SLC20A2: variants seen among roughly 807,000 people sequenced by gnomAD.
SLC20A2 encodes the protein solute carrier family 20 member 2.
A neutral mutation model predicts 61.0 loss-of-function variants in SLC20A2; 30 were observed. That is an observed-to-expected ratio of 0.49 (90% confidence interval 0.37 to 0.67). SLC20A2 has a LOEUF of 0.67. Ranked by LOEUF, SLC20A2 falls within the 30% of genes least tolerant of loss-of-function variation. SLC20A2 has a pLI of 0.00. For missense variants in SLC20A2, 626 were observed against 866.4 expected (o/e 0.72, Z 3.48); for synonymous variants, 351 against 353.3 (o/e 0.99, Z 0.07).
chr8:42,525,655 A>G (rs2131413999), intron 1 of SLC20A2, among the ~76,000 whole-genome samples: 1 of 152,208 alleles, frequency 6.6e-6, no homozygotes, highest in African/African-American at 2.4e-5. Context: ...CAATTTTCAT[A>G]AATGTCTTCT....
At chr8:42,424,409 G>A (rs576179416) in intron 10 of SLC20A2, among the ~76,000 whole-genome samples, 19 of 152,178 alleles carry the variant, frequency 1.2e-4, no homozygotes, top group Non-Finnish European at 2.1e-4. Flanking sequence ...TCCGCCTCCC[G>A]GGTTCAAGCG....
At chr8:42,476,253 C>T (rs915991178) in intron 1 of SLC20A2, among the ~76,000 whole-genome samples, 5 of 151,914 alleles carry the variant, frequency 3.3e-5, no homozygotes, top group African/African-American at 9.7e-5. Context: ...CGCCCGCCAC[C>T]ACGCCCGGCT....
intron 5 of SLC20A2, among the ~76,000 whole-genome samples, chr8:42,459,167 C>T (rs1390369947): frequency 3.9e-5 from 5 of 128,838 alleles, no homozygotes; most frequent in Admixed American, 1.8e-4. Context: ...ACCTGGGAGG[C>T]GGAGGTTGCA....
intron 4 of SLC20A2, 58 bp from the exon 5 acceptor site, chr8:42,460,050 A>G (rs1487693900): frequency 8.5e-6 from 8 of 944,762 alleles, no homozygotes; most frequent in African/African-American, 4.9e-5. Flanking sequence ...ATTTGGAGCC[A>G]ACACAGACAA....
exon 1 of SLC20A2, chr8:42,541,923 A>AGCGC (rs1813231236): frequency 6.6e-6 from 1 of 152,032 alleles, no homozygotes; most frequent in Non-Finnish European, 1.5e-5. Flanking sequence ...CGCTTCCGGA[A>AGCGC]GCGCACACGG....
At chr8:42,508,352 T>TTTTGTTTG (rs34337764) in intron 1 of SLC20A2, among the ~76,000 whole-genome samples, 2 of 151,878 alleles carry the variant, frequency 1.3e-5, no homozygotes, top group South Asian at 2.1e-4. Context: ...TGGTATTTGT[T>TTTTGTTTG]TTTGTTTGTT....
chr8:42,430,361 G>T, intron 8 of SLC20A2, 112 bp from the exon 9 acceptor site: 1 of 925,916 alleles, frequency 1.1e-6, no homozygotes, highest in Non-Finnish European at 1.6e-6. Context: ...CAGATATGAT[G>T]TTTTTCTTTC....
intron 5 of SLC20A2, among the ~76,000 whole-genome samples, chr8:42,447,146 A>C (rs904207150): frequency 5.9e-5 from 9 of 151,614 alleles, no homozygotes; most frequent in African/African-American, 2.2e-4. Context: ...GTTCAAGACC[A>C]TCCTGAGCAA....
chr8:42,532,639 G>A (rs551120664), intron 1 of SLC20A2, among the ~76,000 whole-genome samples: 6 of 152,160 alleles, frequency 3.9e-5, no homozygotes, highest in Non-Finnish European at 7.3e-5. Flanking sequence ...AATCCATCTA[G>A]TAATACCTAT....
chr8:42,504,498 GAGA>G (rs1472996136), upstream of SLC20A2, among the ~76,000 whole-genome samples: 8 of 152,066 alleles, frequency 5.3e-5, 1 homozygote, highest in African/African-American at 7.2e-5. Context: ...ACAAAAAAGA[GAGA>G]AGAAGAATTT....
intron 10 of SLC20A2, among the ~76,000 whole-genome samples, chr8:42,420,720 C>T (rs1045689743): frequency 6.6e-6 from 1 of 152,166 alleles, no homozygotes; most frequent in African/African-American, 2.4e-5. Context: ...TAACATAAAA[C>T]TTACAGTTTT....
chr8:42,446,047 C>T (rs1368808533), intron 5 of SLC20A2, among the ~76,000 whole-genome samples: 1 of 152,206 alleles, frequency 6.6e-6, no homozygotes, highest in East Asian at 1.9e-4. Flanking sequence ...TGTCAAACTC[C>T]TAGCCTCATG....
At chr8:42,507,914 C>A (rs1810803828) in intron 1 of SLC20A2, among the ~76,000 whole-genome samples, 2 of 152,202 alleles carry the variant, frequency 1.3e-5, no homozygotes, top group African/African-American at 4.8e-5. Context: ...AATCCCAGCA[C>A]TTTGGGAGGC....
chr8:42,455,255 TATAGAGAGAGAGAGAG>T (rs1367790154), intron 5 of SLC20A2, among the ~76,000 whole-genome samples: 26 of 97,044 alleles, frequency 2.7e-4, no homozygotes, highest in Middle Eastern at 6.4e-3. Context: ...TATATATATA[TATAGAGAGAGAGAGAG>T]AGAGAGAGAG....
chr8:42,458,263 G>T (rs1806366425), intron 5 of SLC20A2, among the ~76,000 whole-genome samples: 1 of 152,202 alleles, frequency 6.6e-6, no homozygotes, highest in Non-Finnish European at 1.5e-5. Flanking sequence ...TAGCTCATCA[G>T]TGCTGAAATG....
At chr8:42,484,981 G>T in intron 1 of SLC20A2, 1 of 294,904 alleles carries the variant, frequency 3.4e-6, no homozygotes, top group South Asian at 3.2e-5. Flanking sequence ...GCCTGCATTT[G>T]GACCAAAGGG....
At chr8:42,420,185 C>CA (rs757483247) in intron 10 of SLC20A2, among the ~76,000 whole-genome samples, 260 of 116,100 alleles carry the variant, frequency 2.2e-3, no homozygotes, top group Middle Eastern at 4.8e-3. Flanking sequence ...AACTCCGTCT[C>CA]AAAAAAAAAA....
chr8:42,515,469 T>C (rs1013619686), intron 1 of SLC20A2, among the ~76,000 whole-genome samples: 2 of 152,100 alleles, frequency 1.3e-5, no homozygotes, highest in East Asian at 1.9e-4. Context: ...TAACAGAATA[T>C]AGTATTTCTG....
chr8:42,447,399 T>C (rs979081411), intron 5 of SLC20A2, among the ~76,000 whole-genome samples: 18 of 150,766 alleles, frequency 1.2e-4, no homozygotes, highest in Admixed American at 2.6e-4. Flanking sequence ...ACATTTGGGC[T>C]GGGTGCGGTG....
Sources: allele counts gnomAD v4.1 joint callset (sites outside exome capture counted in the v4.1 genomes callset), GRCh38; gene constraint gnomAD v4.1.1; transcripts MANE v1.5; gene names NCBI Gene and HGNC (gene_info 2026-07-23, HGNC 2026-07-21).